SORBS2: variants seen among roughly 807,000 people sequenced by gnomAD.
SORBS2 encodes sorbin and SH3 domain-containing protein 2.
A neutral mutation model predicts 97.7 loss-of-function variants in SORBS2; 46 were observed. The ratio of observed to expected loss-of-function variants is 0.47; its 90% confidence interval spans 0.37 to 0.60. The LOEUF (loss-of-function observed/expected upper bound fraction) is 0.60, where lower values mean the gene tolerates loss of function less well. Among genes scored for constraint, SORBS2 ranks in the 20% least tolerant of loss-of-function variants. The pLI, the probability that SORBS2 is intolerant of heterozygous loss-of-function variation, is 0.00. For missense variants in SORBS2, 1,316 were observed against 1,282.3 expected (o/e 1.03, Z -0.40); for synonymous variants, 476 against 473.4 (o/e 1.01, Z -0.07).
In SORBS2 at chr4:185,606,048, G is replaced by C; in HGVS notation, c.2796+5732C>G. The stretch of plus-strand genomic sequence containing the variant: ...TTTAGAAAATCGAAAGGGGACAGAA[G>C]TGCTGTTTTTCTTTTCTGTTGTCTT... On this transcript the variant is annotated intron_variant, in intron 12 of 14. Transcript: ENST00000418609. This position sits in a 1 kb window ranked among gnomAD's most constrained non-coding sequence, Gnocchi z 4.3. 1 of 973,970 alleles carries C rather than the reference G, an allele frequency of 1.0e-6. No individual in the cohort carries two copies. The highest frequency in any genetic ancestry group is 1.2e-6 in the Non-Finnish European group (1 of 819,496). 60.3% of individuals were successfully genotyped at this position (973,970 alleles called of 1,614,324 possible).
intron 1 of SORBS2, among the ~76,000 whole-genome samples, chr4:185,951,809 C>T (rs1406772485): frequency 6.6e-6 from 1 of 152,204 alleles, no homozygotes; most frequent in Non-Finnish European, 1.5e-5. Flanking sequence ...GTGCATGCAT[C>T]AGTGAGCTTC....
At chr4:185,810,345 C>T (rs1207227386) in intron 1 of SORBS2, among the ~76,000 whole-genome samples, 1 of 152,196 alleles carries the variant, frequency 6.6e-6, no homozygotes, top group African/African-American at 2.4e-5. Context: ...GGTTCCTGCC[C>T]ATATCTATCA....
chr4:185,681,753 A>G (rs1261525824), intron 2 of SORBS2, among the ~76,000 whole-genome samples: 2 of 152,310 alleles, frequency 1.3e-5, no homozygotes, highest in East Asian at 3.9e-4. Context: ...TGTGCAAGAC[A>G]TTCCCGGTTC....
At chr4:185,601,700 AT>A (rs1370060612) in intron 12 of SORBS2, among the ~76,000 whole-genome samples, 6 of 152,302 alleles carry the variant, frequency 3.9e-5, no homozygotes, top group African/African-American at 9.6e-5. Flanking sequence ...GAGAAAAAAA[AT>A]AACCCCATTT....
intron 14 of SORBS2, among the ~76,000 whole-genome samples, chr4:185,588,437 TGCA>T (rs1443043012): frequency 6.6e-6 from 1 of 152,182 alleles, no homozygotes; most frequent in African/African-American, 2.4e-5. Context: ...TAAAAGTTGG[TGCA>T]CTAAATTGCT....
chr4:185,847,329 A>G (rs959029859), intron 1 of SORBS2, among the ~76,000 whole-genome samples: 49 of 152,178 alleles, frequency 3.2e-4, no homozygotes, highest in African/African-American at 1.1e-3. Flanking sequence ...AAGGGACTGA[A>G]TTGGTTTCCC....
intron 5 of SORBS2, 36 bp downstream of exon 8, chr4:185,662,068 G>A: frequency 6.2e-7 from 1 of 1,611,944 alleles, no homozygotes; most frequent in Non-Finnish European, 8.5e-7. Context: ...GCCGCATTGA[G>A]GTTGCCATGG....
chr4:185,687,839 T>A (rs56803064), intron 2 of SORBS2, among the ~76,000 whole-genome samples: 41,016 of 152,186 alleles, frequency 0.27, 5,641 homozygotes, highest in Middle Eastern at 0.35. Flanking sequence ...CTACTTCCTT[T>A]TGTATTGATA....
chr4:185,847,255 G>A (rs2149674833), intron 1 of SORBS2, among the ~76,000 whole-genome samples: 1 of 152,252 alleles, frequency 6.6e-6, no homozygotes, highest in African/African-American at 2.4e-5. Context: ...TCTAAGATAA[G>A]AAATCAAAAT....
At chr4:185,699,396 C>A (rs1376158883) in intron 2 of SORBS2, among the ~76,000 whole-genome samples, 1 of 149,348 alleles carries the variant, frequency 6.7e-6, no homozygotes, top group East Asian at 2.0e-4. Context: ...GAGCAATTCT[C>A]CTGCCTCATC....
At chr4:185,909,953 C>A (rs956242651) in intron 1 of SORBS2, among the ~76,000 whole-genome samples, 1 of 146,774 alleles carries the variant, frequency 6.8e-6, no homozygotes, top group African/African-American at 2.5e-5. Context: ...CACTGCACTC[C>A]AGCTTGGGTG....
intron 1 of SORBS2, among the ~76,000 whole-genome samples, chr4:185,813,684 C>T (rs540162492): frequency 6.6e-5 from 10 of 152,206 alleles, no homozygotes; most frequent in South Asian, 2.1e-4. Context: ...GACTGCTCCT[C>T]GCCCCAGCAC....
In SORBS2 at chr4:185,607,242, TG is replaced by T. The variant is rs1198130395; in HGVS notation, c.2796+4537del. 3 of 1,220,842 alleles carry T rather than the reference TG, an allele frequency of 2.5e-6. No homozygotes were observed. The highest frequency in any genetic ancestry group is 3.3e-5 in the African/African-American group (2 of 61,538). 75.6% of individuals were successfully genotyped at this position (1,220,842 alleles called of 1,614,324 possible). A position where few individuals can be genotyped will look rare whatever the true frequency, so the allele number is the denominator to read the frequency against. On this transcript the variant is annotated intron_variant, in intron 12 of 14. Transcript: ENST00000418609. The surrounding 1 kb of genome is among the most constrained non-coding windows in gnomAD (Gnocchi z 5.2). ...GGGCCAAAGGGTTTGCTGGTAGACA[TG>T]AGGCTGTCAGGGACAACCAGCCCTG...
At chr4:185,804,298 T>C (rs1195771852) in intron 1 of SORBS2, among the ~76,000 whole-genome samples, 1 of 152,222 alleles carries the variant, frequency 6.6e-6, no homozygotes, top group African/African-American at 2.4e-5. Context: ...AATAACCGAC[T>C]TGGCCTAGTT....
intron 12 of SORBS2, chr4:185,594,150 GT>G: frequency 1.8e-6 from 1 of 547,828 alleles, no homozygotes; most frequent in South Asian, 2.3e-5. Context: ...AAGGTCAAAT[GT>G]TTTGAACATG....
chr4:185,624,867 G>T (rs1324169992), intron 6 of SORBS2, among the ~76,000 whole-genome samples: 1 of 152,182 alleles, frequency 6.6e-6, no homozygotes, highest in African/African-American at 2.4e-5. Context: ...GGTAGTGAAG[G>T]TTTAACAATT....
chr4:185,826,920 A>G (rs2099200182), intron 1 of SORBS2, among the ~76,000 whole-genome samples: 1 of 152,184 alleles, frequency 6.6e-6, no homozygotes, highest in African/African-American at 2.4e-5. Flanking sequence ...GGATCAAATG[A>G]ATCTTTTTAC....
chr4:185,767,883 C>T (rs1584468393), intron 2 of SORBS2, among the ~76,000 whole-genome samples: 1 of 152,296 alleles, frequency 6.6e-6, no homozygotes, highest in African/African-American at 2.4e-5. Flanking sequence ...AACACAAACT[C>T]AATGCACCTT....
At chr4:185,738,588 C>G (rs558460736) in intron 2 of SORBS2, among the ~76,000 whole-genome samples, 12 of 152,340 alleles carry the variant, frequency 7.9e-5, no homozygotes, top group African/African-American at 2.9e-4. Context: ...TATCTGGTCA[C>G]ATGTCCAGGA....
Sources: gnomAD v4.1 joint callset for allele counts (sites outside exome capture counted in the v4.1 genomes callset) on GRCh38, gnomAD v4.1.1 for gene constraint, Gnocchi (gnomAD v3.1) non-coding constraint, MANE v1.5 for transcripts, NCBI Gene and HGNC (gene_info 2026-07-23, HGNC 2026-07-21) for gene names.